The following MAN1A2 variants were observed in gnomAD, a reference collection of about 807,000 sequenced individuals.
The protein encoded by MAN1A2 is mannosyl-oligosaccharide 1,2-alpha-mannosidase IB.
MAN1A2 carries 26 observed loss-of-function variants against 75.7 expected under a neutral mutation model. The ratio of observed to expected loss-of-function variants is 0.34; its 90% CI spans 0.25 to 0.48. MAN1A2 has a LOEUF of 0.48. Among genes scored for constraint, MAN1A2 ranks in the 20% least tolerant of loss-of-function variants. MAN1A2 has a pLI of 0.99. For missense variants in MAN1A2, 562 were observed against 775.5 expected, an observed-to-expected ratio of 0.72 and a Z score of 3.27; for synonymous variants, 247 against 264.6, an observed-to-expected ratio of 0.93 and a Z score of 0.65.
chr1:117,515,191 C>T (rs575196540), intron 12 of MAN1A2: 13 of 172,680 alleles, frequency 7.5e-5, no homozygotes, highest in Non-Finnish European at 1.4e-4. Context: ...TTAAAAATTA[C>T]ATCTGTTTTG....
chr1:117,481,367 C>T lies in MAN1A2; in HGVS notation c.1169-11780C>T, dbSNP rs180947482. Among the ~76,000 whole-genome samples, 51 of 151,824 alleles carry T rather than the reference C, an allele frequency of 3.4e-4. No homozygotes were observed. In the East Asian group the frequency reaches 6.8e-3, roughly 20 times the overall value. On this transcript the variant is annotated intron_variant, in intron 8 of 12. Coordinates refer to ENST00000356554, the MANE Select transcript of MAN1A2 (RefSeq NM_006699.5). Reference sequence around the variant, plus strand: ...ATTTTTCTTGTTTGCCTTCTGTTCACTTCTCAATACATTGCATTCTGGGCT... The same window carrying T: ...ATTTTTCTTGTTTGCCTTCTGTTCATTTCTCAATACATTGCATTCTGGGCT...
chr1:117,398,260 A>G (rs1284719097), intron 1 of MAN1A2, among the ~76,000 whole-genome samples: 3 of 152,222 alleles, frequency 2.0e-5, no homozygotes, highest in Non-Finnish European at 2.9e-5. Flanking sequence ...TGTCTAATCT[A>G]GGAGAAGTTA....
At chr1:117,382,683 A>G (rs143694657) in intron 1 of MAN1A2, among the ~76,000 whole-genome samples, 17,145 of 152,036 alleles carry the variant, frequency 0.11, 1,059 homozygotes, top group Non-Finnish European at 0.14. Flanking sequence ...TTGGTTCCAT[A>G]TGAACTTTAA....
intron 6 of MAN1A2, among the ~76,000 whole-genome samples, chr1:117,456,528 A>G (rs900066407): frequency 6.6e-6 from 1 of 152,040 alleles, no homozygotes; most frequent in African/African-American, 2.4e-5. Flanking sequence ...AAAAACATAC[A>G]TTCTTGTGTA....
At chr1:117,495,353 AAAAACT>A (rs1651007481) in intron 9 of MAN1A2, among the ~76,000 whole-genome samples, 1 of 151,894 alleles carries the variant, frequency 6.6e-6, no homozygotes, top group Non-Finnish European at 1.5e-5. Flanking sequence ...AATTATTTTC[AAAAACT>A]ATTCTATTAG....
chr1:117,376,486 C>T (rs752930388), intron 1 of MAN1A2, among the ~76,000 whole-genome samples: 1 of 152,256 alleles, frequency 6.6e-6, no homozygotes, highest in African/African-American at 2.4e-5. Context: ...AAGGCTCGCT[C>T]ACGCCCAGAG....
chr1:117,390,784 T>C (rs918197349), intron 1 of MAN1A2, among the ~76,000 whole-genome samples: 2 of 152,064 alleles, frequency 1.3e-5, no homozygotes, highest in African/African-American at 4.8e-5. Context: ...TTTTTTTTTC[T>C]TCATATTGGC....
intron 3 of MAN1A2, among the ~76,000 whole-genome samples, chr1:117,407,086 C>T (rs979910147): frequency 9.9e-5 from 15 of 151,576 alleles, no homozygotes; most frequent in African/African-American, 2.2e-4. Flanking sequence ...ATCTATTCTG[C>T]GAAGAAAATT....
Position 117,523,205 on chromosome 1 carries a change from T to G in MAN1A2, c.*248T>G, listed in dbSNP as rs1557983994. The G allele has an allele frequency of 3.2e-6, 2 of 622,472 alleles. No homozygotes were observed. Among genetic ancestry groups the G allele is most frequent in the Non-Finnish European group, 6.2e-6 (2 of 324,328 alleles). The allele number at this position is 622,472 out of a possible 1,614,324, so 38.6% of individuals were successfully genotyped here. A position where few individuals can be genotyped will look rare whatever the true frequency, so the allele number is the denominator to read the frequency against. On this transcript the variant is annotated 3_prime_UTR_variant, in exon 13 of 13. Coordinates refer to ENST00000356554, the MANE Select transcript of MAN1A2 (RefSeq NM_006699.5). The stretch of plus-strand genomic sequence containing the variant: ...GGATGTGCTTTGATCGTTAATGAGG[T>G]GGTCACATGAGAAATGATACCTGTT...
intron 6 of MAN1A2, among the ~76,000 whole-genome samples, chr1:117,458,502 T>TATAG (rs1553236605): frequency 2.8e-5 from 3 of 106,088 alleles, no homozygotes; most frequent in South Asian, 6.9e-4. Context: ...TATATCTATA[T>TATAG]ATATATATAG....
intron 6 of MAN1A2, among the ~76,000 whole-genome samples, chr1:117,455,207 A>G (rs543235483): frequency 1.5e-4 from 23 of 152,306 alleles, no homozygotes; most frequent in Admixed American, 4.6e-4. Context: ...ACACAGCAAT[A>G]TGGGTGAATC....
intron 12 of MAN1A2, chr1:117,515,789 G>T (rs951405634): frequency 1.3e-5 from 2 of 152,108 alleles, no homozygotes; most frequent in Non-Finnish European, 2.9e-5. Flanking sequence ...TGGAAACAAA[G>T]TAGAATGTTG....
In MAN1A2 at chr1:117,410,658, A is replaced by C. The variant is rs965376387; in HGVS notation, c.656-4055A>C. On this transcript the variant is annotated intron_variant, in intron 3 of 12. Transcript: ENST00000356554. The stretch of plus-strand genomic sequence containing the variant: ...AAAGAATAAAGATTGGAAATGAAGA[A>C]GTAAAACTATCTTTACATTTTTAGT... Among the ~76,000 whole-genome samples, 6 of 151,836 alleles carry C rather than the reference A, an allele frequency of 4.0e-5. No homozygotes were observed. In the South Asian group the frequency reaches 1.2e-3, roughly 32 times the overall value.
Position 117,523,232 on chromosome 1 carries a change from C to A in MAN1A2, c.*275C>A, listed in dbSNP as rs566473004. The A allele has an allele frequency of 1.2e-5, 7 of 563,160 alleles. No individual in the cohort carries two copies. The highest frequency in any genetic ancestry group is 2.1e-5 in the Non-Finnish European group (6 of 286,926). 34.9% of individuals were successfully genotyped at this position (563,160 alleles called of 1,614,324 possible). A position where few individuals can be genotyped will look rare whatever the true frequency, so the allele number is the denominator to read the frequency against. ...GTCACATGAGAAATGATACCTGTTACTACTGTATTGTTTTTAGAGTCCTGA... is the reference window on the plus strand; with the variant it reads ...GTCACATGAGAAATGATACCTGTTAATACTGTATTGTTTTTAGAGTCCTGA... On this transcript the variant is annotated 3_prime_UTR_variant, in exon 13 of 13. Transcript: ENST00000356554.
At chr1:117,478,189 A>G (rs1650380807) in intron 8 of MAN1A2, among the ~76,000 whole-genome samples, 1 of 151,958 alleles carries the variant, frequency 6.6e-6, no homozygotes, top group South Asian at 2.1e-4. Flanking sequence ...AACGATGTTG[A>G]ACATCTTTTT....
intron 5 of MAN1A2, among the ~76,000 whole-genome samples, chr1:117,421,871 T>G (rs1033786538): frequency 2.0e-5 from 3 of 152,076 alleles, no homozygotes; most frequent in Non-Finnish European, 2.9e-5. Flanking sequence ...TTTATAAAAA[T>G]GAGGATTCCA....
chr1:117,419,587 TAC>T (rs1386006156), intron 4 of MAN1A2, among the ~76,000 whole-genome samples: 2 of 152,120 alleles, frequency 1.3e-5, no homozygotes, highest in South Asian at 2.1e-4. Flanking sequence ...TTTAGAGTAA[TAC>T]AGTTTCCTTT....
intron 5 of MAN1A2, among the ~76,000 whole-genome samples, chr1:117,435,356 A>G (rs768919454): frequency 1.3e-5 from 2 of 152,224 alleles, no homozygotes; most frequent in Non-Finnish European, 2.9e-5. Flanking sequence ...TTATAGGATT[A>G]TTGAACACAG....
At chr1:117,445,866 G>GTATATA (rs1255167664) in intron 6 of MAN1A2, among the ~76,000 whole-genome samples, 7,672 of 117,852 alleles carry the variant, frequency 0.065, 709 homozygotes, top group East Asian at 0.11. Context: ...GTGTATGTGT[G>GTATATA]TGTGTGTCTG....
Sources: allele counts gnomAD v4.1 joint callset (sites outside exome capture counted in the v4.1 genomes callset), GRCh38; gene constraint gnomAD v4.1.1; transcripts MANE v1.5; gene names NCBI Gene and HGNC (gene_info 2026-07-23, HGNC 2026-07-21).